ROBO2: variants seen among roughly 807,000 people sequenced by gnomAD.
ROBO2 encodes the protein roundabout guidance receptor 2.
In ROBO2, 53 loss-of-function variants were observed where a neutral mutation model predicts 160.8. The observed-to-expected ratio is 0.33, with a 90% CI of 0.26 to 0.41. The LOEUF is 0.41. Among genes scored for constraint, ROBO2 ranks in the 10% least tolerant of loss-of-function variants. The pLI is 1.00. For missense variants in ROBO2, 1,577 were observed against 1,722.4 expected (o/e 0.92, Z 1.49); for synonymous variants, 664 against 611.7 (o/e 1.09, Z -1.26).
rs550427796 is a variant in ROBO2, at chr3:77,151,726, C to T, written c.388+53386C>T. On this transcript the variant is annotated intron_variant, in intron 2 of 25. Transcript: ENST00000461745. Reference sequence around the variant, plus strand: ...AATACATTTTATTTACTTTCCATGCCGAGCTCAGCAAGAAATGGTATTTTC... The same window carrying T: ...AATACATTTTATTTACTTTCCATGCTGAGCTCAGCAAGAAATGGTATTTTC... 3.3e-5 allele frequency among the ~76,000 whole-genome samples: 5 copies of T among 152,178 alleles called. No homozygotes were observed. In the East Asian group the frequency reaches 5.8e-4, roughly 18 times the overall value.
At chr3:77,218,006 T>C (rs1046678951) in intron 2 of ROBO2, among the ~76,000 whole-genome samples, 1 of 152,222 alleles carries the variant, frequency 6.6e-6, no homozygotes, top group Non-Finnish European at 1.5e-5. Flanking sequence ...TGATTATCCA[T>C]GCCAAAGATA....
At chr3:76,099,399 G>GAA (rs11304764) in intron 2 of ROBO2, among the ~76,000 whole-genome samples, 1 of 150,302 alleles carries the variant, frequency 6.7e-6, no homozygotes, top group Admixed American at 6.6e-5. Flanking sequence ...ATTTTGTGCT[G>GAA]AAAAAAAAAA....
At chr3:77,513,544 T>C (rs1480611417) in intron 5 of ROBO2, among the ~76,000 whole-genome samples, 1 of 151,912 alleles carries the variant, frequency 6.6e-6, no homozygotes, top group South Asian at 2.1e-4. Context: ...TTAATATTTC[T>C]CTTTTGAAGT....
intron 2 of ROBO2, among the ~76,000 whole-genome samples, chr3:76,043,192 G>GA (rs1188549572): frequency 6.6e-6 from 1 of 150,856 alleles, no homozygotes. Context: ...ATAGTGCCAT[G>GA]AATATTTGTC....
At chr3:76,025,230 A>C (rs2066704000) in intron 2 of ROBO2, among the ~76,000 whole-genome samples, 1 of 151,638 alleles carries the variant, frequency 6.6e-6, no homozygotes, top group Non-Finnish European at 1.5e-5. Flanking sequence ...TTATAATCAA[A>C]CTTAAACTCT....
At chr3:76,005,090 C>T (rs2065983414) in intron 2 of ROBO2, among the ~76,000 whole-genome samples, 1 of 152,194 alleles carries the variant, frequency 6.6e-6, no homozygotes, top group African/African-American at 2.4e-5. Flanking sequence ...AAGGTCCTCA[C>T]CAGACGCTTG....
chr3:76,488,317 G>A (rs1258968086), intron 2 of ROBO2, among the ~76,000 whole-genome samples: 7 of 152,130 alleles, frequency 4.6e-5, no homozygotes, highest in Non-Finnish European at 7.3e-5. Context: ...CGCCCATTAA[G>A]AACATTGACA....
intron 2 of ROBO2, among the ~76,000 whole-genome samples, chr3:76,111,109 C>G (rs1559560012): frequency 6.6e-6 from 1 of 151,998 alleles, no homozygotes. Flanking sequence ...GGAATTAGTT[C>G]AGATGAGATC....
intron 2 of ROBO2, among the ~76,000 whole-genome samples, chr3:77,389,881 G>A (rs1295784246): frequency 6.6e-6 from 1 of 152,104 alleles, no homozygotes; most frequent in Non-Finnish European, 1.5e-5. Flanking sequence ...TGAGGATAAA[G>A]AGCACAGATG....
At chr3:76,018,191 T>A (rs980254641) in intron 2 of ROBO2, among the ~76,000 whole-genome samples, 1 of 151,910 alleles carries the variant, frequency 6.6e-6, no homozygotes, top group Non-Finnish European at 1.5e-5. Context: ...TATACATAGA[T>A]CTCAAAATTG....
intron 2 of ROBO2, among the ~76,000 whole-genome samples, chr3:76,630,069 C>G (rs1005184477): frequency 1.3e-5 from 2 of 152,152 alleles, no homozygotes; most frequent in African/African-American, 2.4e-5. Context: ...TTGCATTCTT[C>G]TTCTAGTACA....
At chr3:76,996,048 T>A (rs1411356496) in intron 2 of ROBO2, among the ~76,000 whole-genome samples, 1 of 152,188 alleles carries the variant, frequency 6.6e-6, no homozygotes, top group African/African-American at 2.4e-5. Context: ...CTGAATGGTA[T>A]TGCCTAGGTT....
rs568173993 is a variant in ROBO2 at position 76,064,160 on chromosome 3, G to GT, written c.109+126559dup. On this transcript the variant is annotated intron_variant, in intron 2 of 26. Transcript: ENST00000487694. Reference sequence around the variant, plus strand: ...TGGTCGACACCTTGATTTTAGCCTCGTGAGACCCAGAGCAGAGGATCCAGT... The same window carrying GT: ...TGGTCGACACCTTGATTTTAGCCTCGTTGAGACCCAGAGCAGAGGATCCAGT... Among the ~76,000 whole-genome samples, 20 of 152,238 alleles carry GT rather than the reference G, an allele frequency of 1.3e-4. 2 individuals carry two copies. The East Asian group carries it at 3.9e-3, about 29-fold the overall frequency.
At chr3:76,916,878 T>G (rs2076349827) in intron 2 of ROBO2, among the ~76,000 whole-genome samples, 3 of 152,132 alleles carry the variant, frequency 2.0e-5, no homozygotes, top group Admixed American at 6.5e-5. Context: ...TGCTTTTTCT[T>G]TTTTTCATTT....
chr3:76,894,183 G>A (rs1040442929), intron 2 of ROBO2, among the ~76,000 whole-genome samples: 3 of 152,034 alleles, frequency 2.0e-5, no homozygotes, highest in Non-Finnish European at 4.4e-5. Context: ...ACCAATACTT[G>A]CATTACAACT....
At chr3:76,618,757 T>C (rs886661565) in intron 2 of ROBO2, among the ~76,000 whole-genome samples, 1 of 151,774 alleles carries the variant, frequency 6.6e-6, no homozygotes, top group Non-Finnish European at 1.5e-5. Context: ...TGACGGATCC[T>C]GATAAAAAGT....
intron 2 of ROBO2, among the ~76,000 whole-genome samples, chr3:77,002,829 TTTAC>T (rs1221443703): frequency 1.3e-5 from 2 of 152,114 alleles, no homozygotes; most frequent in African/African-American, 4.8e-5. Flanking sequence ...TACAATAATA[TTTAC>T]TTAGTCTATG....
At chr3:76,819,864 C>T in intron 2 of ROBO2, among the ~76,000 whole-genome samples, 1 of 152,040 alleles carries the variant, frequency 6.6e-6, no homozygotes, top group East Asian at 1.9e-4. Context: ...CAATTGGGAC[C>T]TGTGTCGTGT....
chr3:77,328,146 C>T (rs1225852823), intron 2 of ROBO2, among the ~76,000 whole-genome samples: 1 of 150,994 alleles, frequency 6.6e-6, no homozygotes, highest in Non-Finnish European at 1.5e-5. Flanking sequence ...TTCCCCACTT[C>T]CCCCACACCC....
Sources: allele counts gnomAD v4.1 joint callset (sites outside exome capture counted in the v4.1 genomes callset), GRCh38; gene constraint gnomAD v4.1.1; transcripts MANE v1.5; gene names NCBI Gene and HGNC (gene_info 2026-07-23, HGNC 2026-07-21).